The following AKR1C2 variants were observed in gnomAD, a reference collection of about 807,000 sequenced individuals.
AKR1C2 encodes the protein 3-alpha-HSD3.
AKR1C2 carries 27 observed loss-of-function variants against 39.8 expected under a neutral mutation model. The ratio of observed to expected loss-of-function variants is 0.68; its 90% CI spans 0.50 to 0.93. AKR1C2 has a LOEUF of 0.93. Ranked by LOEUF, AKR1C2 falls within the 40% of genes least tolerant of loss-of-function variation. The probability of loss-of-function intolerance (pLI) is 0.00; values close to 1 mark genes in which losing one functional copy is unlikely to be tolerated. For synonymous variants in AKR1C2, 114 were observed against 137.9 expected, an observed-to-expected ratio of 0.83 and a Z score of 1.22; for missense variants, 263 against 365.1, an observed-to-expected ratio of 0.72 and a Z score of 2.28.
chr10:4,992,641 A>G (rs113704263), intron 7 of AKR1C2, among the ~76,000 whole-genome samples: 9,811 of 148,230 alleles, frequency 0.066, 557 homozygotes, highest in African/African-American at 0.17. Flanking sequence ...ATGAAAAGTT[A>G]TCAAAAACTA....
At chr10:4,995,259 G>A (rs1339380069) in intron 7 of AKR1C2, 60 bp downstream of exon 7, 1 of 1,119,958 alleles carries the variant, frequency 8.9e-7, no homozygotes, top group Non-Finnish European at 1.2e-6. Context: ...AGCCTTACAA[G>A]AAGCACACGT....
chr10:4,995,679 C>T, intron 6 of AKR1C2, 77 bp downstream of exon 6: 1 of 1,471,650 alleles, frequency 6.8e-7, no homozygotes, highest in Middle Eastern at 1.8e-4. Context: ...TGAGTGAACT[C>T]CAGGAAACAG....
rs549749593 is a variant in AKR1C2, at chr10:5,010,895, G to A, written c.-87-6973C>T. ...TAAGACCTGAGACTATCAAGTGCTA[G>A]AAGAAAATCTAAGGTAAACTTATTG... On this transcript the variant is annotated intron_variant, in intron 1 of 6. Coordinates refer to the AKR1C2 transcript ENST00000604507. Among the ~76,000 whole-genome samples, 7 of 152,226 alleles carry A rather than the reference G, an allele frequency of 4.6e-5. No homozygotes were observed. In the South Asian group the frequency reaches 1.5e-3, roughly 32 times the overall value.
chr10:5,017,039 G>C (rs782354613), intron 1 of AKR1C2, among the ~76,000 whole-genome samples: 3 of 152,232 alleles, frequency 2.0e-5, no homozygotes, highest in Non-Finnish European at 4.4e-5. Flanking sequence ...TCACAGAGCA[G>C]TAGGACCCTG....
At chr10:4,997,083 G>GC (rs1837078141) in intron 5 of AKR1C2, among the ~76,000 whole-genome samples, 1 of 152,070 alleles carries the variant, frequency 6.6e-6, no homozygotes, top group African/African-American at 2.4e-5. Flanking sequence ...GCTTAACCAA[G>GC]TTTTTAAAAC....
At chr10:5,006,331 A>G (rs1554774384), upstream of AKR1C2, 1 of 152,252 alleles carries the variant, frequency 6.6e-6, no homozygotes, top group African/African-American at 2.4e-5. Context: ...AGCCAGACAA[A>G]GAGATAATCT....
At chr10:4,990,824 C>G (rs61854356) in intron 8 of AKR1C2, among the ~76,000 whole-genome samples, 12,119 of 148,910 alleles carry the variant, frequency 0.081, 560 homozygotes, top group Middle Eastern at 0.13. Context: ...AAACATTAAT[C>G]AGTTGTAAAC....
At chr10:5,002,341 A>G (rs1415443189) in intron 1 of AKR1C2, among the ~76,000 whole-genome samples, 1 of 152,202 alleles carries the variant, frequency 6.6e-6, no homozygotes, top group Admixed American at 6.5e-5. Context: ...AAACAGGGAG[A>G]ACTCCACTTT....
At chr10:5,010,780 A>G (rs189096717) in intron 1 of AKR1C2, 4 of 152,344 alleles carry the variant, frequency 2.6e-5, no homozygotes, top group Admixed American at 6.5e-5. Flanking sequence ...GATATTTTCA[A>G]AAAGTTAGAC....
chr10:4,990,721 G>A (rs11252869), intron 8 of AKR1C2, among the ~76,000 whole-genome samples: 12,644 of 151,560 alleles, frequency 0.083, 561 homozygotes, highest in Middle Eastern at 0.13. Context: ...TGATTACACC[G>A]AGAGCAAACA....
chr10:5,013,807 A>C (rs1162639331), intron 1 of AKR1C2, among the ~76,000 whole-genome samples: 1 of 152,200 alleles, frequency 6.6e-6, no homozygotes, highest in Non-Finnish European at 1.5e-5. Flanking sequence ...GTATACATAT[A>C]TTACAATTTT....
rs1405991425 is a variant in AKR1C2 at position 4,987,814 on chromosome 10, C to A, written c.*2182G>T. ...GTTTTTATATTTTACCATATGTTCACATTTACAAGAAGTCTTTATAACTCT... is the reference window on the plus strand; with the variant it reads ...GTTTTTATATTTTACCATATGTTCAAATTTACAAGAAGTCTTTATAACTCT... On this transcript the variant is annotated 3_prime_UTR_variant, in exon 9 of 9. Coordinates refer to ENST00000380753, the MANE Select transcript of AKR1C2 (RefSeq NM_001393392.1). 3 of 132,634 alleles carry A rather than the reference C, an allele frequency of 2.3e-5. No homozygotes were observed. The highest frequency in any genetic ancestry group is 8.8e-5 in the African/African-American group (3 of 34,016). 8.2% of individuals were successfully genotyped at this position (132,634 alleles called of 1,614,324 possible). A position where few individuals can be genotyped will look rare whatever the true frequency, so the allele number is the denominator to read the frequency against.
intron 5 of AKR1C2, 100 bp downstream of exon 5, chr10:4,998,525 C>G: frequency 6.4e-7 from 1 of 1,552,234 alleles, no homozygotes; most frequent in Non-Finnish European, 8.7e-7. Flanking sequence ...AGAATCTTCT[C>G]TTTTACAAAG....
chr10:5,015,821 G>A (rs1837627953), intron 1 of AKR1C2: 1 of 152,356 alleles, frequency 6.6e-6, no homozygotes, highest in Admixed American at 6.5e-5. Flanking sequence ...AAAGAAAAGA[G>A]GTTTAATTGA....
chr10:5,017,470 A>G (rs180727754), intron 1 of AKR1C2, among the ~76,000 whole-genome samples: 1 of 152,310 alleles, frequency 6.6e-6, no homozygotes, highest in East Asian at 1.9e-4. Context: ...TAGGAACACG[A>G]TGATGCCAAT....
At chr10:5,007,247 G>C (rs1554774512), upstream of AKR1C2, among the ~76,000 whole-genome samples, 10 of 139,820 alleles carry the variant, frequency 7.2e-5, 1 homozygote, top group Non-Finnish European at 1.6e-4. Flanking sequence ...CTCTCGTAAA[G>C]GTAGGTGTAT....
chr10:5,017,448 A>G (rs1837665971), intron 1 of AKR1C2, among the ~76,000 whole-genome samples: 1 of 152,194 alleles, frequency 6.6e-6, no homozygotes, highest in Admixed American at 6.5e-5. Context: ...AAAGTGACAC[A>G]GATCTCTAGG....
At chr10:4,997,583 T>C (rs1175514172) in intron 5 of AKR1C2, among the ~76,000 whole-genome samples, 1 of 152,054 alleles carries the variant, frequency 6.6e-6, no homozygotes, top group Non-Finnish European at 1.5e-5. Context: ...TTAGTAATTT[T>C]GAATATAAAT....
chr10:5,014,165 A>T (rs573871742), intron 1 of AKR1C2, among the ~76,000 whole-genome samples: 10,736 of 144,506 alleles, frequency 0.074, 496 homozygotes, highest in African/African-American at 0.15. Flanking sequence ...GAATAAGGTT[A>T]TCATGAATAC....
Sources: gnomAD v4.1 joint callset for allele counts (sites outside exome capture counted in the v4.1 genomes callset) on GRCh38, gnomAD v4.1.1 for gene constraint, MANE v1.5 for transcripts, NCBI Gene and HGNC (gene_info 2026-07-23, HGNC 2026-07-21) for gene names.